DHX34: variants seen among roughly 807,000 people sequenced by gnomAD.
DHX34 encodes the protein DExH-box helicase 34.
A neutral mutation model predicts 111.1 loss-of-function variants in DHX34; 96 were observed. The ratio of observed to expected loss-of-function variants is 0.86; its 90% CI spans 0.73 to 1.02. The LOEUF is 1.02. Among genes scored for constraint, DHX34 ranks in the 50% least tolerant of loss-of-function variants. DHX34 has a pLI of 0.00. For missense variants in DHX34, 1,560 were observed against 1,579.9 expected (o/e 0.99, Z 0.21); for synonymous variants, 688 against 670.4 (o/e 1.03, Z -0.41).
At chr19:47,359,461 CAAAAAA>C (rs112009015) in intron 4 of DHX34, among the ~76,000 whole-genome samples, 1 of 110,940 alleles carries the variant, frequency 9.0e-6, no homozygotes, top group Non-Finnish European at 1.9e-5. Context: ...GATCCTGTCT[CAAAAAA>C]AAAAAAAAAA....
chr19:47,368,139 A>G (rs1031116826), intron 7 of DHX34, among the ~76,000 whole-genome samples: 1 of 150,054 alleles, frequency 6.7e-6, no homozygotes, highest in Non-Finnish European at 1.5e-5. Flanking sequence ...CAGATGGTGC[A>G]TGAGGGTGTT....
rs1286930202 is a variant in DHX34, at chr19:47,372,939, G to A, written c.1962+16G>A. On this transcript the variant is annotated intron_variant, in intron 8 of 16. Transcript: ENST00000328771. Reference sequence around the variant, plus strand: ...CTGGGTGCAGGTGAGGCTGGTGGTGGGGGCCCTCTGTCTGTCACCCTGCTC... The same window carrying A: ...CTGGGTGCAGGTGAGGCTGGTGGTGAGGGCCCTCTGTCTGTCACCCTGCTC... 1.9e-6 allele frequency: 3 copies of A among 1,573,754 alleles called. No individual in the cohort carries two copies. The highest frequency in any genetic ancestry group is 2.3e-5 in the East Asian group (1 of 43,956).
chr19:47,359,102 C>G (rs1226876486), intron 4 of DHX34, among the ~76,000 whole-genome samples: 1 of 152,146 alleles, frequency 6.6e-6, no homozygotes, highest in African/African-American at 2.4e-5. Context: ...GGAGTAGGAT[C>G]AGAGTGGGCG....
At chr19:47,368,782 C>T (rs2122295570) in intron 7 of DHX34, among the ~76,000 whole-genome samples, 1 of 151,902 alleles carries the variant, frequency 6.6e-6, no homozygotes, top group East Asian at 1.9e-4. Flanking sequence ...GGTGCAATCC[C>T]AGCTCATTGG....
chr19:47,356,051 G>T (rs1969448810), intron 3 of DHX34, among the ~76,000 whole-genome samples: 1 of 152,098 alleles, frequency 6.6e-6, no homozygotes, highest in Non-Finnish European at 1.5e-5. Flanking sequence ...TTTCAGTCTG[G>T]ATAATTCCTT....
intron 11 of DHX34, 147 bp downstream of exon 11, chr19:47,376,244 C>A: frequency 1.4e-6 from 2 of 1,425,598 alleles, no homozygotes; most frequent in East Asian, 5.0e-5. Flanking sequence ...ACAGACCCAT[C>A]CCCAGACAAC....
chr19:47,370,604 G>A (rs1969934401), intron 7 of DHX34, among the ~76,000 whole-genome samples: 1 of 152,254 alleles, frequency 6.6e-6, no homozygotes, highest in Non-Finnish European at 1.5e-5. Flanking sequence ...GGGCTTCAGT[G>A]TGGGCAGGAG....
Position 47,355,445 on chromosome 19 carries a change from A to G in DHX34, c.1017+95A>G, listed in dbSNP as rs191056992. ...TCTTCTCTCTGCTGCTGTATCTCCC[A>G]TCTCTTTCATTTAAAGATGTTCTCT... is the stretch of plus-strand genomic sequence containing the variant. On this transcript the variant is annotated intron_variant, in intron 3 of 16. Coordinates refer to ENST00000328771, the MANE Select transcript of DHX34 (RefSeq NM_014681.6). 7 of 1,491,254 alleles carry G rather than the reference A, an allele frequency of 4.7e-6. No individual in the cohort carries two copies. The Admixed American group carries it at 1.3e-4, about 28-fold the overall frequency. The allele number at this position is 1,491,254 out of a possible 1,614,324, so 92.4% of individuals were successfully genotyped here.
Position 47,352,790 on chromosome 19 carries a change from C to A in DHX34, c.-241C>A. 1 of 618,072 alleles carries A rather than the reference C, an allele frequency of 1.6e-6. No individual in the cohort carries two copies. The highest frequency in any genetic ancestry group is 2.6e-6 in the Non-Finnish European group (1 of 389,104). The allele number at this position is 618,072 out of a possible 1,614,324, so 38.3% of individuals were successfully genotyped here. The stretch of plus-strand genomic sequence containing the variant: ...TGAAAACCCAGAATGAACTTGTGTC[C>A]ATCCCAGAGATCACTGCAGATGTCA... On this transcript the variant is annotated 5_prime_UTR_variant, in exon 2 of 17. Transcript: ENST00000328771.
Position 47,376,439 on chromosome 19 carries a change from G to A in DHX34, c.2482-4G>A, listed in dbSNP as rs536077665. ...GGCTTGTGCTTTCTCTCTGTCCTCCGCAGATTTTCCACACGCAGGCCAAGC... is the reference window on the plus strand; with the variant it reads ...GGCTTGTGCTTTCTCTCTGTCCTCCACAGATTTTCCACACGCAGGCCAAGC... On this transcript the variant is annotated splice_polypyrimidine_tract_variant and splice_region_variant and intron_variant, in intron 11 of 16. Transcript: ENST00000328771. 2.8e-5 allele frequency: 45 copies of A among 1,610,470 alleles called. No individual in the cohort carries two copies. The East Asian group carries it at 7.1e-4, about 26-fold the overall frequency.
At chr19:47,373,952 C>T (rs577072035) in intron 9 of DHX34, among the ~76,000 whole-genome samples, 4 of 152,222 alleles carry the variant, frequency 2.6e-5, no homozygotes, top group African/African-American at 9.6e-5. Flanking sequence ...GCTCGCCCTC[C>T]GGACTGGGGA....
chr19:47,376,384 A>G, intron 11 of DHX34, 59 bp from the exon 12 acceptor site: 1 of 1,569,546 alleles, frequency 6.4e-7, no homozygotes, highest in African/African-American at 1.4e-5. Flanking sequence ...GAGGAGAGGC[A>G]TCCTGGGCAG....
At chr19:47,358,198 T>C in intron 4 of DHX34, 78 bp downstream of exon 4, 2 of 1,529,336 alleles carry the variant, frequency 1.3e-6, no homozygotes, top group Non-Finnish European at 8.8e-7. Context: ...CTTGTGTAAC[T>C]CCACAAACAC....
intron 9 of DHX34, among the ~76,000 whole-genome samples, chr19:47,374,181 A>G (rs1970061420): frequency 6.6e-6 from 1 of 152,162 alleles, no homozygotes; most frequent in Non-Finnish European, 1.5e-5. Flanking sequence ...GCTCACGCCT[A>G]TAATCCTAGC....
Position 47,355,083 on chromosome 19 carries a change from C to G in DHX34, c.750C>G (p.Thr250=). The G allele has an allele frequency of 1.2e-6, 2 of 1,614,018 alleles. No individual in the cohort carries two copies. The highest frequency in any genetic ancestry group is 8.5e-7 in the Non-Finnish European group (1 of 1,179,988). The change falls in exon 3 of 17, where the codon ACC becomes ACG. Residue 250 remains threonine, a synonymous_variant. Coordinates refer to ENST00000328771, the MANE Select transcript of DHX34 (RefSeq NM_014681.6). ...TTGAGAGCACACGTTCGGCGGCCAC[C>G]AAGATTGTATTCCTGACAGTGGGGC... ...IRFESTRSAA[T]KIVFLTVGLL... is the part of the protein sequence containing the mutation.
intron 7 of DHX34, among the ~76,000 whole-genome samples, chr19:47,370,940 C>T (rs1040373572): frequency 6.6e-6 from 1 of 152,230 alleles, no homozygotes; most frequent in South Asian, 2.1e-4. Flanking sequence ...TCCCTAAGTG[C>T]TGGGATTACA....
rs1308615295 is a variant in DHX34 at position 47,352,798 on chromosome 19, A to G, written c.-233A>G. ...CAGAATGAACTTGTGTCCATCCCAG[A>G]GATCACTGCAGATGTCATGAGGTAC... is the stretch of plus-strand genomic sequence containing the variant. On this transcript the variant is annotated 5_prime_UTR_variant, in exon 2 of 17. Transcript: ENST00000328771. 2 of 688,400 alleles carry G rather than the reference A, an allele frequency of 2.9e-6. No homozygotes were observed. Among genetic ancestry groups the G allele is most frequent in the South Asian group, 2.6e-5 (1 of 39,126 alleles). 42.6% of individuals were successfully genotyped at this position (688,400 alleles called of 1,614,324 possible).
rs1266418926 is a variant in DHX34, at chr19:47,382,076, CCA to C, written c.3398_3399del (p.Thr1133ArgfsTer44). 2 of 1,613,954 alleles carry C rather than the reference CCA, an allele frequency of 1.2e-6. No individual in the cohort carries two copies. Among genetic ancestry groups the C allele is most frequent in the African/African-American group, 1.3e-5 (1 of 74,918 alleles). ...TGCGGGAAGGACTTCCTCTTTACAC[CCA>C]CAGAGGTGCTGCGCCACCGGAAGCA... On this transcript the variant is annotated frameshift_variant, in exon 17 of 17. Coordinates refer to ENST00000328771, the MANE Select transcript of DHX34 (RefSeq NM_014681.6). LOFTEE classifies it high-confidence loss of function.
Position 47,355,237 on chromosome 19 carries a change from C to T in DHX34, c.904C>T (p.Arg302Trp), listed in dbSNP as rs61757592. 2.4e-4 allele frequency: 393 copies of T among 1,614,194 alleles called. No individual in the cohort carries two copies. Among genetic ancestry groups the T allele is most frequent in the Non-Finnish European group, 3.0e-4 (352 of 1,180,034 alleles). ...LGVLQRLLPTRPDLKVILMSA... is the reference protein window; with the variant it reads ...LGVLQRLLPTWPDLKVILMSA... ...CGTCCTCCAGCGCCTGTTGCCCACG[C>T]GGCCTGACCTCAAGGTCATCCTCAT... The change falls in exon 3 of 17, where the codon CGG becomes TGG. Residue 302 changes from arginine (R) to tryptophan (W), a missense_variant. By Grantham distance (101) the Arg-to-Trp change is moderately radical. Coordinates refer to ENST00000328771, the MANE Select transcript of DHX34 (RefSeq NM_014681.6).
Sources: gnomAD v4.1 joint callset for allele counts (sites outside exome capture counted in the v4.1 genomes callset) on GRCh38, gnomAD v4.1.1 for gene constraint, MANE v1.5 for transcripts, NCBI Gene and HGNC (gene_info 2026-07-23, HGNC 2026-07-21) for gene names.